The following MEF2A variants were observed in gnomAD, a reference collection of about 807,000 sequenced individuals.
MEF2A encodes the protein myocyte enhancer factor 2A, also known as myocyte-specific enhancer factor 2A.
A neutral mutation model predicts 55.8 loss-of-function variants in MEF2A; 28 were observed. The ratio of observed to expected loss-of-function variants is 0.50; its 90% CI spans 0.37 to 0.69. The LOEUF (loss-of-function observed/expected upper bound fraction) is 0.69, where lower values mean the gene tolerates loss of function less well. Ranked by LOEUF, MEF2A falls within the 30% of genes least tolerant of loss-of-function variation. MEF2A has a pLI of 0.00. For missense variants in MEF2A, 528 were observed against 626.2 expected (o/e 0.84, Z 1.67); for synonymous variants, 239 against 227.1 (o/e 1.05, Z -0.47).
chr15:99,645,734 T>C lies in MEF2A; in HGVS notation c.228T>C (p.His76=). 1 of 1,609,756 alleles carries C rather than the reference T, an allele frequency of 6.2e-7. No homozygotes were observed. Among genetic ancestry groups the C allele is most frequent in the Non-Finnish European group, 8.5e-7 (1 of 1,177,478 alleles). The stretch of plus-strand genomic sequence containing the variant: ...AGTATACAGAATATAATGAACCTCA[T>C]GAAAGCAGAACCAACTCGGATATTG... The part of the protein sequence containing the change: ...LLKYTEYNEP[H]ESRTNSDIVE... Residue 76 remains histidine, a synonymous_variant, in exon 4 of 12, where the codon CAT becomes CAC. Coordinates refer to ENST00000557942, the MANE Select transcript of MEF2A (RefSeq NM_001319206.4).
At chr15:99,688,944 C>A (rs1430655617) in intron 7 of MEF2A, among the ~76,000 whole-genome samples, 7 of 152,102 alleles carry the variant, frequency 4.6e-5, no homozygotes, top group African/African-American at 1.7e-4. Context: ...CATCTGGGGG[C>A]TGGAGGGAGG....
In MEF2A at chr15:99,713,041, C is replaced by T. The variant is rs1180141240; in HGVS notation, c.*270C>T. On this transcript the variant is annotated 3_prime_UTR_variant, in exon 12 of 12. Transcript: ENST00000557942. ...CCTGTAGGCACAGACAAGTCTGGCA[C>T]TTCCTTGGACTACTTGTTTCGTAAA... The T allele has an allele frequency of 2.0e-6, 1 of 491,378 alleles. No individual in the cohort carries two copies. Among genetic ancestry groups the T allele is most frequent in the African/African-American group, 1.9e-5 (1 of 52,094 alleles). The allele number at this position is 491,378 out of a possible 1,614,324, so 30.4% of individuals were successfully genotyped here. A position where few individuals can be genotyped will look rare whatever the true frequency, so the allele number is the denominator to read the frequency against.
intron 2 of MEF2A, among the ~76,000 whole-genome samples, chr15:99,610,402 G>A (rs1976725790): frequency 1.5e-5 from 1 of 65,424 alleles, no homozygotes; most frequent in Non-Finnish European, 2.5e-5. Context: ...AGTCCAGCTG[G>A]TCTCCCCCGC....
chr15:99,708,141 C>G (rs1457561654), intron 10 of MEF2A, among the ~76,000 whole-genome samples: 2 of 152,222 alleles, frequency 1.3e-5, no homozygotes, highest in Non-Finnish European at 2.9e-5. Context: ...TGATCACCTG[C>G]TCTGTGAGAG....
chr15:99,681,930 A>G (rs2053327051), intron 7 of MEF2A: 1 of 152,226 alleles, frequency 6.6e-6, no homozygotes, highest in African/African-American at 2.4e-5. Flanking sequence ...TACAAATGAC[A>G]TAATTTTATA....
chr15:99,589,146 CT>C (rs1484334944), intron 1 of MEF2A, among the ~76,000 whole-genome samples: 1 of 152,132 alleles, frequency 6.6e-6, no homozygotes, highest in African/African-American at 2.4e-5. Flanking sequence ...GATATTAAAT[CT>C]TTAGATGATT....
At chr15:99,576,637 G>GT (rs1158983173) in intron 1 of MEF2A, among the ~76,000 whole-genome samples, 5 of 148,346 alleles carry the variant, frequency 3.4e-5, no homozygotes, top group African/African-American at 9.9e-5. Flanking sequence ...ATAAACTTTA[G>GT]TTTTTTTGTT....
intron 1 of MEF2A, among the ~76,000 whole-genome samples, chr15:99,579,910 G>A (rs1965426268): frequency 6.6e-6 from 1 of 152,008 alleles, no homozygotes; most frequent in African/African-American, 2.4e-5. Context: ...AGTTACTGAA[G>A]AACAGTTTCC....
intron 5 of MEF2A, among the ~76,000 whole-genome samples, chr15:99,672,415 G>T (rs1347003597): frequency 6.6e-6 from 1 of 152,176 alleles, no homozygotes; most frequent in East Asian, 1.9e-4. Flanking sequence ...TCCTAGACTT[G>T]ATAGTTTTTC....
chr15:99,712,504 CCAGCAGCAGCAGCAGCAGCAG>C lies in MEF2A; in HGVS notation c.1265_1285del (p.Gln422_Gln428del), dbSNP rs3138597. The C allele has an allele frequency of 1.0e-3, 1,571 of 1,531,530 alleles. 11 individuals are homozygous for C. In the East Asian group the frequency reaches 0.018, roughly 17 times the overall value. The allele number at this position is 1,531,530 out of a possible 1,614,324, so 94.9% of individuals were successfully genotyped here. On this transcript the variant is annotated inframe_deletion, in exon 12 of 12. Coordinates refer to ENST00000557942, the MANE Select transcript of MEF2A (RefSeq NM_001319206.4). This position sits in a 1 kb window ranked among gnomAD's most constrained non-coding sequence, Gnocchi z 4.1. ...GGGATCGTATGACCCCATCGGGCTT[CCAGCAGCAGCAGCAGCAGCAG>C]CAGCAGCAGCAGCCGCCGCCACCAC... is the stretch of plus-strand genomic sequence containing the variant.
At chr15:99,679,161 G>C (rs1046630768) in intron 7 of MEF2A, among the ~76,000 whole-genome samples, 1 of 152,164 alleles carries the variant, frequency 6.6e-6, no homozygotes, top group Non-Finnish European at 1.5e-5. Context: ...CAACCATTTG[G>C]CATTATCTGC....
At position 99,602,755 on chromosome 15, in the gene MEF2A, C is replaced by CGTGTGTGTGT. The variant is rs58540017; in HGVS notation, c.-143+4279_-143+4288dup. On this transcript the variant is annotated intron_variant, in intron 2 of 11. Transcript: ENST00000557942. ...GGGGGGGTGGGGGTGGGGAGCTTTT[C>CGTGTGTGTGT]GTGTGTGTGTGTGTGTGTGTGTGTG... Among the ~76,000 whole-genome samples, 2 of 16,718 alleles carry CGTGTGTGTGT rather than the reference C, an allele frequency of 1.2e-4. 1 individual carries two copies. The highest frequency in any genetic ancestry group is 2.2e-4 in the Non-Finnish European group (2 of 9,168). The allele number at this position is 16,718 out of a possible 152,430, so 11.0% of individuals were successfully genotyped here.
chr15:99,632,969 T>C lies in MEF2A; in HGVS notation c.-142-9T>C. ...GATTTTAAATCTTCTAATTTGTGTT[T>C]TCTTTTAGATCTTGTAGAAAATTTC... On this transcript the variant is annotated splice_polypyrimidine_tract_variant and intron_variant, in intron 2 of 11. Transcript: ENST00000557942. The C allele has an allele frequency of 1.2e-5, 7 of 570,294 alleles. No homozygotes were observed. The highest frequency in any genetic ancestry group is 2.1e-5 in the Non-Finnish European group (7 of 325,654). 35.3% of individuals were successfully genotyped at this position (570,294 alleles called of 1,614,324 possible). A position where few individuals can be genotyped will look rare whatever the true frequency, so the allele number is the denominator to read the frequency against.
chr15:99,598,572 G>A (rs1375389232), intron 2 of MEF2A, 61 bp downstream of exon 2: 1 of 151,994 alleles, frequency 6.6e-6, no homozygotes, highest in Non-Finnish European at 1.5e-5. Flanking sequence ...TTAAAAATCA[G>A]GCTGTTCTTG....
intron 7 of MEF2A, among the ~76,000 whole-genome samples, chr15:99,686,790 A>G (rs76228742): frequency 6.6e-6 from 1 of 152,144 alleles, no homozygotes; most frequent in East Asian, 1.9e-4. Context: ...GTTTTCCTCA[A>G]TTATTTTCTC....
At chr15:99,592,424 C>G (rs941321477) in intron 1 of MEF2A, among the ~76,000 whole-genome samples, 1 of 152,058 alleles carries the variant, frequency 6.6e-6, no homozygotes, top group East Asian at 1.9e-4. Flanking sequence ...ATATGTGGCT[C>G]TTGAGTGTTT....
At chr15:99,660,432 G>C (rs1274389895) in intron 4 of MEF2A, among the ~76,000 whole-genome samples, 1 of 152,156 alleles carries the variant, frequency 6.6e-6, no homozygotes, top group Non-Finnish European at 1.5e-5. Context: ...AAATGATGCA[G>C]GCTGCTTCCA....
At chr15:99,642,170 A>G (rs1269077943) in intron 3 of MEF2A, among the ~76,000 whole-genome samples, 1 of 152,100 alleles carries the variant, frequency 6.6e-6, no homozygotes, top group African/African-American at 2.4e-5. Context: ...AACATCGTAG[A>G]GATTTGGTCT....
chr15:99,688,969 G>C (rs1477755390), intron 7 of MEF2A, among the ~76,000 whole-genome samples: 1 of 152,004 alleles, frequency 6.6e-6, no homozygotes, highest in Non-Finnish European at 1.5e-5. Flanking sequence ...CAGAGAGTCA[G>C]CCCCACCCAG....
Sources: gnomAD v4.1 joint callset for allele counts (sites outside exome capture counted in the v4.1 genomes callset) on GRCh38, gnomAD v4.1.1 for gene constraint, Gnocchi (gnomAD v3.1) non-coding constraint, MANE v1.5 for transcripts, NCBI Gene and HGNC (gene_info 2026-07-23, HGNC 2026-07-21) for gene names.